ADCY2: variants seen among roughly 807,000 people sequenced by gnomAD.
ADCY2 encodes adenylate cyclase type 2.
Under a neutral mutation model 125.2 loss-of-function variants are expected in ADCY2, and 31 were observed. That is an observed-to-expected ratio of 0.25 (90% CI 0.19 to 0.33). ADCY2 has a LOEUF of 0.33. Ranked by LOEUF, ADCY2 falls within the 10% of genes least tolerant of loss-of-function variation. ADCY2 has a pLI of 1.00. For missense variants in ADCY2, 904 were observed against 1,418.2 expected (o/e 0.64, Z 5.82); for synonymous variants, 512 against 548.4 (o/e 0.93, Z 0.93).
rs777127417 is a variant in ADCY2, at chr5:7,827,387, G to T, written c.*516G>T. ...CCCACGGCTCTCGTCCCTCTGCTCC[G>T]TGTGTCTCATGCCAGCAGCACGTCG... is the stretch of plus-strand genomic sequence containing the variant. On this transcript the variant is annotated 3_prime_UTR_variant, in exon 25 of 25. Transcript: ENST00000338316. 1 of 153,484 alleles carries T rather than the reference G, an allele frequency of 6.5e-6. No individual in the cohort carries two copies. The highest frequency in any genetic ancestry group is 2.4e-5 in the African/African-American group (1 of 41,426). 9.5% of individuals were successfully genotyped at this position (153,484 alleles called of 1,614,324 possible). A position where few individuals can be genotyped will look rare whatever the true frequency, so the allele number is the denominator to read the frequency against.
intron 2 of ADCY2, among the ~76,000 whole-genome samples, chr5:7,495,411 T>C (rs1168407895): frequency 6.6e-6 from 1 of 152,240 alleles, no homozygotes; most frequent in Non-Finnish European, 1.5e-5. Flanking sequence ...GATAAATTAA[T>C]TAGCTTTGGA....
intron 3 of ADCY2, among the ~76,000 whole-genome samples, chr5:7,593,866 G>A (rs527828352): frequency 2.0e-5 from 3 of 152,260 alleles, no homozygotes; most frequent in South Asian, 4.1e-4. Context: ...AGCAGGAAAC[G>A]CTATACAGAG....
intron 2 of ADCY2, among the ~76,000 whole-genome samples, chr5:7,428,237 G>A (rs1005441984): frequency 1.3e-5 from 2 of 152,208 alleles, no homozygotes; most frequent in Non-Finnish European, 1.5e-5. Context: ...CATACTAGCA[G>A]GAGGGAATCT....
At chr5:7,723,761 A>T (rs1484177940) in intron 12 of ADCY2, among the ~76,000 whole-genome samples, 1 of 151,814 alleles carries the variant, frequency 6.6e-6, no homozygotes, top group Non-Finnish European at 1.5e-5. Context: ...CCTCTACTAA[A>T]AATACAAAAA....
chr5:7,625,321 A>G (rs1272946394), intron 3 of ADCY2, among the ~76,000 whole-genome samples: 1 of 152,260 alleles, frequency 6.6e-6, no homozygotes, highest in African/African-American at 2.4e-5. Flanking sequence ...AGCAAAGCAC[A>G]AAACTACATT....
At chr5:7,789,532 G>GGTTCTTTTTTC in intron 19 of ADCY2, 110 bp from the exon 20 acceptor site, 1 of 1,075,594 alleles carries the variant, frequency 9.3e-7, no homozygotes. Flanking sequence ...TCTGTTTGGG[G>GGTTCTTTTTTC]GTTCTTTTTT....
intron 2 of ADCY2, among the ~76,000 whole-genome samples, chr5:7,453,366 CT>C (rs1419027325): frequency 6.6e-6 from 1 of 152,154 alleles, no homozygotes; most frequent in African/African-American, 2.4e-5. Context: ...TGTTCTCCCC[CT>C]GATTTATGTT....
rs115751859 is a variant in ADCY2, at chr5:7,556,530, C to T, written c.570+35631C>T. ...TCTGCCAGTGGTAACTTTTTTCATA[C>T]GGGAAGTTTCAACATTATATGTTTT... is the stretch of plus-strand genomic sequence containing the variant. On this transcript the variant is annotated intron_variant, in intron 3 of 24. Coordinates refer to ENST00000338316, the MANE Select transcript of ADCY2 (RefSeq NM_020546.3). Among the ~76,000 whole-genome samples, 807 of 152,226 alleles carry T rather than the reference C, an allele frequency of 5.3e-3. 4 individuals are homozygous for T. Among genetic ancestry groups the T allele is most frequent in the African/African-American group, 0.018 (754 of 41,538 alleles).
rs572691853 is a variant in ADCY2, at chr5:7,679,996, CAG to C, written c.721-10694_721-10693del. Among the ~76,000 whole-genome samples the C allele has an allele frequency of 6.4e-4, 97 of 152,110 alleles. 2 individuals are homozygous for C. Among genetic ancestry groups the C allele is most frequent in the African/African-American group, 2.2e-3 (92 of 41,482 alleles). On this transcript the variant is annotated intron_variant, in intron 4 of 24. Transcript: ENST00000338316. ...CTGGAGAGGTGCCATTCTGGAATGA[CAG>C]GGGCAAGACAACAGTGAAAGTGATG...
At chr5:7,706,145 C>T (rs1352426122) in intron 7 of ADCY2, among the ~76,000 whole-genome samples, 1 of 152,162 alleles carries the variant, frequency 6.6e-6, no homozygotes, top group East Asian at 1.9e-4. Context: ...TGAAGTTCAT[C>T]ATTTTTCTCT....
intron 19 of ADCY2, among the ~76,000 whole-genome samples, chr5:7,786,478 C>G: frequency 6.6e-6 from 1 of 152,160 alleles, no homozygotes; most frequent in East Asian, 1.9e-4. Flanking sequence ...TTTTCCTGCT[C>G]CATGACCATC....
chr5:7,517,995 A>C (rs1196941684), intron 2 of ADCY2, among the ~76,000 whole-genome samples: 1 of 152,202 alleles, frequency 6.6e-6, no homozygotes, highest in Non-Finnish European at 1.5e-5. Context: ...ATTTTACATA[A>C]ATGTTATGTG....
intron 3 of ADCY2, among the ~76,000 whole-genome samples, chr5:7,623,997 TG>T (rs940839887): frequency 6.6e-6 from 1 of 152,196 alleles, no homozygotes; most frequent in Non-Finnish European, 1.5e-5. Flanking sequence ...TCTAAGAATG[TG>T]GGTGCGTTTT....
intron 3 of ADCY2, among the ~76,000 whole-genome samples, chr5:7,548,953 G>A (rs867781451): frequency 6.6e-6 from 1 of 152,212 alleles, no homozygotes; most frequent in Admixed American, 6.5e-5. Flanking sequence ...CCAGGGCTGA[G>A]TCGTTCATCT....
At chr5:7,414,435 G>C (rs927563236) in intron 1 of ADCY2, 138 bp from the exon 2 acceptor site, 1 of 669,690 alleles carries the variant, frequency 1.5e-6, no homozygotes, top group African/African-American at 1.9e-5. Context: ...TGTTCAAACT[G>C]TTCTACTTTC....
Position 7,818,696 on chromosome 5 carries a change from C to T in ADCY2, c.2998+1716C>T, listed in dbSNP as rs1322467597. 2.6e-5 allele frequency among the ~76,000 whole-genome samples: 4 copies of T among 152,176 alleles called. No homozygotes were observed. In the East Asian group the frequency reaches 7.7e-4, roughly 29 times the overall value. On this transcript the variant is annotated intron_variant, in intron 23 of 24. Coordinates refer to ENST00000338316, the MANE Select transcript of ADCY2 (RefSeq NM_020546.3). ...TTCTTTCTACTTTCTCAGTTCTGTG[C>T]ATAGTAAACCCCTATCGGGGGCTCT...
At chr5:7,544,531 C>T (rs2043105187) in intron 3 of ADCY2, among the ~76,000 whole-genome samples, 1 of 152,204 alleles carries the variant, frequency 6.6e-6, no homozygotes, top group African/African-American at 2.4e-5. Flanking sequence ...ACTGGACCCA[C>T]CTGTGTCATC....
At chr5:7,779,966 C>G (rs183761308) in intron 18 of ADCY2, among the ~76,000 whole-genome samples, 3 of 152,276 alleles carry the variant, frequency 2.0e-5, no homozygotes, top group Admixed American at 6.5e-5. Context: ...AGCTGTTGAT[C>G]CCATACTTTA....
At chr5:7,674,827 G>A (rs1383230130) in intron 4 of ADCY2, among the ~76,000 whole-genome samples, 1 of 152,202 alleles carries the variant, frequency 6.6e-6, no homozygotes, top group African/African-American at 2.4e-5. Flanking sequence ...TGTCGTGGCT[G>A]TAGTGGTGAA....
Sources: gnomAD v4.1 joint callset for allele counts (sites outside exome capture counted in the v4.1 genomes callset) on GRCh38, gnomAD v4.1.1 for gene constraint, MANE v1.5 for transcripts, NCBI Gene and HGNC (gene_info 2026-07-23, HGNC 2026-07-21) for gene names.